The following AGO3 variants were observed in gnomAD, a reference collection of about 807,000 sequenced individuals.
AGO3 encodes the protein argonaute RISC catalytic component 3.
Under a neutral mutation model 105.5 loss-of-function variants are expected in AGO3, and 16 were observed. The observed-to-expected ratio is 0.15, with a 90% CI of 0.10 to 0.23. The LOEUF (loss-of-function observed/expected upper bound fraction) is 0.23. AGO3 is among the 10% of genes least tolerant of loss of function. The pLI is 1.00. For missense variants in AGO3, 534 were observed against 1,088.0 expected, an observed-to-expected ratio of 0.49 and a Z score of 7.16; for synonymous variants, 340 against 367.3, an observed-to-expected ratio of 0.93 and a Z score of 0.85.
chr1:36,011,464 A>G (rs1442384440), intron 9 of AGO3, among the ~76,000 whole-genome samples: 1 of 152,102 alleles, frequency 6.6e-6, no homozygotes, highest in Non-Finnish European at 1.5e-5. Flanking sequence ...CTCTGATTCT[A>G]CTATAAGATT....
intron 1 of AGO3, among the ~76,000 whole-genome samples, chr1:35,940,314 G>A (rs376679309): frequency 3.9e-5 from 6 of 152,236 alleles, no homozygotes; most frequent in East Asian, 3.9e-4. Flanking sequence ...TGATCCGCCC[G>A]CGTCAGCCTC....
intron 1 of AGO3, among the ~76,000 whole-genome samples, chr1:35,942,527 T>C (rs1004596254): frequency 8.5e-5 from 13 of 152,166 alleles, no homozygotes; most frequent in Non-Finnish European, 1.6e-4. Flanking sequence ...CTGGAATCTT[T>C]TTGTATGTAT....
At position 36,059,610 on chromosome 1, in the gene AGO3, GGTTAAT is replaced by G. The variant is rs1643001207; in HGVS notation, c.*3868_*3873del. 1.3e-5 allele frequency: 2 copies of G among 151,148 alleles called. No homozygotes were observed. The highest frequency in any genetic ancestry group is 1.3e-4 in the Admixed American group (2 of 15,090). The allele number at this position is 151,148 out of a possible 1,614,324, so 9.4% of individuals were successfully genotyped here. On this transcript the variant is annotated 3_prime_UTR_variant, in exon 19 of 19. Coordinates refer to ENST00000373191, the MANE Select transcript of AGO3 (RefSeq NM_024852.4). ...TGGGAGTTTAATGTATATTCTTGAT[GGTTAAT>G]GTGTCTACATAAAGTGCTGATACAT...
intron 12 of AGO3, among the ~76,000 whole-genome samples, chr1:36,033,110 G>A (rs1475538962): frequency 6.6e-6 from 1 of 151,558 alleles, no homozygotes; most frequent in Non-Finnish European, 1.5e-5. Flanking sequence ...TCCAGCCCTG[G>A]GCAACAAGAG....
intron 17 of AGO3, among the ~76,000 whole-genome samples, chr1:36,048,399 T>G (rs1642564280): frequency 6.6e-6 from 1 of 152,082 alleles, no homozygotes; most frequent in Non-Finnish European, 1.5e-5. Flanking sequence ...AGGACATTTA[T>G]CACCACTAGA....
chr1:35,997,430 C>A (rs1354439012), intron 5 of AGO3, among the ~76,000 whole-genome samples: 2 of 152,070 alleles, frequency 1.3e-5, no homozygotes, highest in Non-Finnish European at 1.5e-5. Context: ...ATTTATAGTA[C>A]AATATTCTCT....
intron 9 of AGO3, among the ~76,000 whole-genome samples, chr1:36,013,039 C>T (rs1640698997): frequency 6.6e-6 from 1 of 151,896 alleles, no homozygotes; most frequent in Admixed American, 6.6e-5. Flanking sequence ...CAGGCTCAAG[C>T]GATTCTCTCA....
chr1:35,930,942 C>T (rs1483461394), upstream of AGO3: 4 of 298,966 alleles, frequency 1.3e-5, no homozygotes, highest in African/African-American at 2.2e-5. Context: ...CCGAGCCCGC[C>T]GCATGTGGCC....
chr1:35,956,201 A>C (rs1265775109), intron 2 of AGO3, among the ~76,000 whole-genome samples: 1 of 152,202 alleles, frequency 6.6e-6, no homozygotes, highest in Non-Finnish European at 1.5e-5. Context: ...TTAGAAAAAG[A>C]ATGAACAATT....
chr1:35,975,599 C>T (rs1646942329), intron 5 of AGO3, among the ~76,000 whole-genome samples: 1 of 151,980 alleles, frequency 6.6e-6, no homozygotes, highest in African/African-American at 2.4e-5. Flanking sequence ...TTGGTGTGTG[C>T]ACACATACAT....
intron 14 of AGO3, among the ~76,000 whole-genome samples, chr1:36,036,682 T>C (rs191249370): frequency 6.6e-6 from 1 of 152,216 alleles, no homozygotes; most frequent in Admixed American, 6.6e-5. Flanking sequence ...GCACCTGAAT[T>C]CTTTTATTTT....
At chr1:36,010,086 ATG>A (rs1640527630) in intron 9 of AGO3, among the ~76,000 whole-genome samples, 3 of 151,782 alleles carry the variant, frequency 2.0e-5, no homozygotes, top group Non-Finnish European at 4.4e-5. Flanking sequence ...CTACAGGCGC[ATG>A]CCACCACGCC....
At chr1:36,052,230 CA>C (rs944780605) in intron 17 of AGO3, among the ~76,000 whole-genome samples, 5 of 151,784 alleles carry the variant, frequency 3.3e-5, no homozygotes, top group Non-Finnish European at 5.9e-5. Flanking sequence ...TATTTAGCCA[CA>C]AAAAAAGAAT....
At chr1:35,945,217 T>TC (rs35467166) in intron 1 of AGO3, among the ~76,000 whole-genome samples, 21,469 of 151,136 alleles carry the variant, frequency 0.14, 2,706 homozygotes, top group East Asian at 0.68. Context: ...TCTTTTCTTT[T>TC]TTTTTTTTAA....
chr1:35,971,279 C>A (rs1646866032), intron 3 of AGO3, among the ~76,000 whole-genome samples: 1 of 150,684 alleles, frequency 6.6e-6, no homozygotes, highest in Non-Finnish European at 1.5e-5. Flanking sequence ...CGTGCCTCAG[C>A]CTCCCGAGTA....
At chr1:35,975,900 T>C (rs1646948148) in intron 5 of AGO3, among the ~76,000 whole-genome samples, 3 of 152,106 alleles carry the variant, frequency 2.0e-5, no homozygotes. Context: ...TCTTAAAGCT[T>C]CACATAAATT....
At chr1:35,987,982 C>A (rs888494211) in intron 5 of AGO3, among the ~76,000 whole-genome samples, 1 of 151,360 alleles carries the variant, frequency 6.6e-6, no homozygotes, top group African/African-American at 2.4e-5. Flanking sequence ...GCAGGAGAAT[C>A]GCTTGAACCC....
chr1:35,976,345 TTCTCTC>T (rs1323461405), intron 5 of AGO3, among the ~76,000 whole-genome samples: 2 of 152,220 alleles, frequency 1.3e-5, no homozygotes, highest in Middle Eastern at 3.2e-3. Flanking sequence ...TCTGTATACT[TTCTCTC>T]TTTCTGTGTT....
At chr1:36,028,690 A>G (rs900825562) in intron 12 of AGO3, among the ~76,000 whole-genome samples, 2 of 150,972 alleles carry the variant, frequency 1.3e-5, no homozygotes, top group African/African-American at 4.9e-5. Context: ...ATTGTGAATA[A>G]TGCCGCAATA....
Sources: allele counts gnomAD v4.1 joint callset (sites outside exome capture counted in the v4.1 genomes callset), GRCh38; gene constraint gnomAD v4.1.1; transcripts MANE v1.5; gene names NCBI Gene and HGNC (gene_info 2026-07-23, HGNC 2026-07-21).